PAPLN: variants seen among roughly 807,000 people sequenced by gnomAD.
PAPLN encodes papilin, proteoglycan like sulfated glycoprotein.
A neutral mutation model predicts 159.0 loss-of-function variants in PAPLN; 146 were observed. The observed-to-expected ratio is 0.92, with a 90% CI of 0.80 to 1.05. The LOEUF is 1.05. Ranked by LOEUF, PAPLN falls within the 50% of genes least tolerant of loss-of-function variation. PAPLN has a pLI of 0.00. For synonymous variants in PAPLN, 734 were observed against 702.9 expected, an observed-to-expected ratio of 1.04 and a Z score of -0.70; for missense variants, 1,720 against 1,743.9, an observed-to-expected ratio of 0.99 and a Z score of 0.24.
In PAPLN at chr14:73,272,944, C is replaced by T; in HGVS notation, c.*280C>T. 3.4e-6 allele frequency: 1 copy of T among 296,686 alleles called. No homozygotes were observed. The highest frequency in any genetic ancestry group is 6.2e-6 in the Non-Finnish European group (1 of 162,116). 18.4% of individuals were successfully genotyped at this position (296,686 alleles called of 1,614,324 possible). On this transcript the variant is annotated 3_prime_UTR_variant, in exon 27 of 27. Coordinates refer to ENST00000644200, the MANE Select transcript of PAPLN (RefSeq NM_001365906.3). ...AAGAAAAACCTTTACTTTACAGCTT[C>T]CCTTTATAATTTGTTACACAGGAAT...
intron 2 of PAPLN, among the ~76,000 whole-genome samples, chr14:73,242,470 C>T (rs1386483269): frequency 6.6e-6 from 1 of 152,208 alleles, no homozygotes; most frequent in East Asian, 1.9e-4. Context: ...AGGCCCAACC[C>T]AGCAGCTAAG....
Position 73,268,678 on chromosome 14 carries a change from A to G in PAPLN, c.3622A>G (p.Ser1208Gly), listed in dbSNP as rs749587174. 3.1e-6 allele frequency: 5 copies of G among 1,613,586 alleles called. No individual in the cohort carries two copies. The highest frequency in any genetic ancestry group is 4.2e-6 in the Non-Finnish European group (5 of 1,179,800). ...CTACACGTGCAGTGCCTACCAGGGG[A>G]GCCAGGCAGTCAGCCGCAGCACCGA... ...GSYTCSAYQG[S>G]QAVSRSTEVK... The change falls in exon 26 of 27, where the codon AGC (serine) becomes GGC (glycine). Residue 1208 changes from serine to glycine, a missense_variant. By Grantham distance (56) the Ser-to-Gly change is moderately conservative. Transcript: ENST00000644200.
Position 73,266,745 on chromosome 14 carries a change from G to A in PAPLN, c.3414G>A (p.Leu1138=). The change falls in exon 25 of 27, where the codon CTG becomes CTA. Residue 1138 remains leucine, a synonymous_variant. Transcript: ENST00000644200. ...CAGGGGAGCTGACAATCTCAGGACTGCCCCCTACTGTGACAGTGCCAGAGG... is the reference window on the plus strand; with the variant it reads ...CAGGGGAGCTGACAATCTCAGGACTACCCCCTACTGTGACAGTGCCAGAGG... ...RVLGELTISG[L]PPTVTVPEGD... is the part of the protein sequence containing the mutation. The A allele has an allele frequency of 2.5e-6, 4 of 1,613,954 alleles. No homozygotes were observed. Among genetic ancestry groups the A allele is most frequent in the Non-Finnish European group, 3.4e-6 (4 of 1,179,914 alleles).
Position 73,265,521 on chromosome 14 carries a change from C to G in PAPLN, c.3263+14C>G. The G allele has an allele frequency of 6.2e-7, 1 of 1,612,152 alleles. No homozygotes were observed. Among genetic ancestry groups the G allele is most frequent in the South Asian group, 1.1e-5 (1 of 90,872 alleles). On this transcript the variant is annotated intron_variant, in intron 23 of 26. Transcript: ENST00000644200. The surrounding 1 kb of genome is among the most constrained non-coding windows in gnomAD (Gnocchi z 4.1). Reference sequence around the variant, plus strand: ...CTCTTCTCCCAGGTTTATTTGACTCCTCTCCCCTTCCTCCTATTCTGCCTC... The same window carrying G: ...CTCTTCTCCCAGGTTTATTTGACTCGTCTCCCCTTCCTCCTATTCTGCCTC...
At position 73,251,705 on chromosome 14, in the gene PAPLN, T is replaced by C. The variant is rs1406861200; in HGVS notation, c.712T>C (p.Trp238Arg). 1 of 1,613,272 alleles carries C rather than the reference T, an allele frequency of 6.2e-7. No homozygotes were observed. The highest frequency in any genetic ancestry group is 1.3e-5 in the African/African-American group (1 of 74,896). The change falls in exon 9 of 27, where the codon TGG becomes CGG. Residue 238 changes from tryptophan to arginine, a missense_variant. Coordinates refer to ENST00000644200, the MANE Select transcript of PAPLN (RefSeq NM_001365906.3). The stretch of plus-strand genomic sequence containing the variant: ...TGGGGAATACTACCTCAATGGGCAC[T>C]GGACCATCGAGGCGGCCCGGGCCCT... Reference protein sequence around the residue: ...VRGEYYLNGHWTIEAARALPA... With the variant: ...VRGEYYLNGHRTIEAARALPA...
At chr14:73,252,377 G>A (rs8017581) in intron 10 of PAPLN, among the ~76,000 whole-genome samples, 10,812 of 150,502 alleles carry the variant, frequency 0.072, 1,061 homozygotes, top group African/African-American at 0.23. Flanking sequence ...CAGAGTCAGC[G>A]GCATCTCATA....
Position 73,259,327 on chromosome 14 carries a change from G to T in PAPLN, c.1767G>T (p.Arg589Ser). The T allele has an allele frequency of 6.2e-7, 1 of 1,608,154 alleles. No individual in the cohort carries two copies. The highest frequency in any genetic ancestry group is 8.5e-7 in the Non-Finnish European group (1 of 1,176,540). ...ACCCCTCAGCCAGGGGTGACCACAGGGGAGAACGAGGTGACCCCAGGGGCG... is the reference window on the plus strand; with the variant it reads ...ACCCCTCAGCCAGGGGTGACCACAGTGGAGAACGAGGTGACCCCAGGGGCG... ...QEHPSARGDH[R>S]GERGDPRGDQ... Residue 589 changes from arginine to serine, a missense_variant, in exon 16 of 27, where the codon AGG becomes AGT. By Grantham distance (110) the Arg-to-Ser change is moderately radical. Transcript: ENST00000644200.
Position 73,251,697 on chromosome 14 carries a change from A to G in PAPLN, c.704A>G (p.Asn235Ser), listed in dbSNP as rs1454679379. 8 of 1,613,072 alleles carry G rather than the reference A, an allele frequency of 5.0e-6. No homozygotes were observed. Among genetic ancestry groups the G allele is most frequent in the Non-Finnish European group, 5.1e-6 (6 of 1,179,850 alleles). The change falls in exon 9 of 27, where the codon AAT becomes AGT. Residue 235 changes from asparagine to serine, a missense_variant. Transcript: ENST00000644200. Reference sequence around the variant, plus strand: ...AATGTTCGTGGGGAATACTACCTCAATGGGCACTGGACCATCGAGGCGGCC... The same window carrying G: ...AATGTTCGTGGGGAATACTACCTCAGTGGGCACTGGACCATCGAGGCGGCC... ...VKNVRGEYYL[N>S]GHWTIEAARA...
intron 26 of PAPLN, among the ~76,000 whole-genome samples, chr14:73,270,817 C>T (rs1026582549): frequency 1.3e-5 from 2 of 152,148 alleles, no homozygotes; most frequent in Non-Finnish European, 2.9e-5. Flanking sequence ...CACTCTCCTC[C>T]GGTCCTCTGC....
At chr14:73,254,745 G>A in intron 13 of PAPLN, 50 bp downstream of exon 13, 1 of 1,598,568 alleles carries the variant, frequency 6.3e-7, no homozygotes, top group Non-Finnish European at 8.5e-7. Context: ...GTCTCTGGCA[G>A]GTGGCTGCAC....
Position 73,250,114 on chromosome 14 carries a change from G to T in PAPLN, c.465G>T (p.Arg155=). The part of the protein sequence containing the change: ...KRDVCVDGSC[R]VVGCDHELDS... ...ATGTCTGTGTGGATGGCAGCTGCCGGGTGAGTGGTGCCCCAGCCCCTCCCT... is the reference window on the plus strand; with the variant it reads ...ATGTCTGTGTGGATGGCAGCTGCCGTGTGAGTGGTGCCCCAGCCCCTCCCT... The change falls in exon 6 of 27, where the codon CGG becomes CGT. Residue 155 remains arginine, a splice_region_variant and synonymous_variant. Transcript: ENST00000644200. 6.2e-7 allele frequency: 1 copy of T among 1,605,316 alleles called. No individual in the cohort carries two copies.
At position 73,265,119 on chromosome 14, in the gene PAPLN, G is replaced by C. The variant is rs928356679; in HGVS notation, c.3126-251G>C. Among the ~76,000 whole-genome samples, 2 of 152,168 alleles carry C rather than the reference G, an allele frequency of 1.3e-5. No homozygotes were observed. Among genetic ancestry groups the C allele is most frequent in the Non-Finnish European group, 2.9e-5 (2 of 68,036 alleles). Reference sequence around the variant, plus strand: ...TGCAGGGTGGGGGGTGACAGATGGGGATCCTGGCTGGTGGGTGTGTCTGGC... The same window carrying C: ...TGCAGGGTGGGGGGTGACAGATGGGCATCCTGGCTGGTGGGTGTGTCTGGC... On this transcript the variant is annotated intron_variant, in intron 22 of 26. Transcript: ENST00000644200. The surrounding 1 kb of genome is among the most constrained non-coding windows in gnomAD (Gnocchi z 4.1).
Position 73,253,890 on chromosome 14 carries a change from G to A in PAPLN, c.1231G>A (p.Gly411Arg). ...GGAGGCTGAGTGTGCCGGGCTGCCT[G>A]GGAAGCCCCCTGCCATTCAGGCCTG... is the stretch of plus-strand genomic sequence containing the variant. ...VEEAECAGLP[G>R]KPPAIQACNL... The change falls in exon 12 of 27, where the codon GGG (glycine) becomes AGG (arginine). Residue 411 changes from glycine (G) to arginine (R), a missense_variant. By Grantham distance (125) the Gly-to-Arg change is moderately radical. Coordinates refer to ENST00000644200, the MANE Select transcript of PAPLN (RefSeq NM_001365906.3). 1 of 1,613,340 alleles carries A rather than the reference G, an allele frequency of 6.2e-7. No homozygotes were observed. Among genetic ancestry groups the A allele is most frequent in the South Asian group, 1.1e-5 (1 of 91,076 alleles).
chr14:73,260,793 CG>C lies in PAPLN; in HGVS notation c.2075del (p.Gly692AlafsTer110), dbSNP rs1566698013. ...CAAAGTCGTATGGTGGTGACAGCAC[CG>C]GGGGCATGCCCAGGTCAAGGGCAGT... Reference protein sequence around the residue: ...CTKSYGGDSTGGMPRSRAVAS... With the variant: ...CTKSYGGDSTXGMPRSRAVAS... On this transcript the variant is annotated frameshift_variant, in exon 17 of 27. Coordinates refer to ENST00000644200, the MANE Select transcript of PAPLN (RefSeq NM_001365906.3). LOFTEE classifies it high-confidence loss of function. 5 of 1,493,688 alleles carry C rather than the reference CG, an allele frequency of 3.3e-6. No individual in the cohort carries two copies. The highest frequency in any genetic ancestry group is 1.8e-6 in the Non-Finnish European group (2 of 1,124,130). 92.5% of individuals were successfully genotyped at this position (1,493,688 alleles called of 1,614,324 possible).
chr14:73,259,074 C>A lies in PAPLN; in HGVS notation c.1708+15C>A. 1.2e-6 allele frequency: 2 copies of A among 1,603,232 alleles called. No homozygotes were observed. Among genetic ancestry groups the A allele is most frequent in the Non-Finnish European group, 1.7e-6 (2 of 1,174,790 alleles). On this transcript the variant is annotated intron_variant, in intron 15 of 26. Transcript: ENST00000644200. ...CCCTGCCTCAGGTGAGAGCCTGGTC[C>A]CGTCCCCCACTCAGAGCCCTGTAGT... is the stretch of plus-strand genomic sequence containing the variant.
At chr14:73,261,982 C>T (rs922184308) in intron 18 of PAPLN, 2 of 229,832 alleles carry the variant, frequency 8.7e-6, no homozygotes, top group Non-Finnish European at 1.7e-5. Flanking sequence ...GTCTGTGTCC[C>T]TATCACAAGC....
intron 6 of PAPLN, 101 bp downstream of exon 6, chr14:73,250,215 C>T: frequency 2.9e-6 from 4 of 1,399,820 alleles, no homozygotes; most frequent in South Asian, 1.6e-5. Flanking sequence ...CTGCCATGAG[C>T]TTGGTGTCTT....
chr14:73,265,535 C>A lies in PAPLN; in HGVS notation c.3263+28C>A. ...TTATTTGACTCCTCTCCCCTTCCTC[C>A]TATTCTGCCTCCAGCCCCACCTTAT... is the stretch of plus-strand genomic sequence containing the variant. On this transcript the variant is annotated intron_variant, in intron 23 of 26. Coordinates refer to ENST00000644200, the MANE Select transcript of PAPLN (RefSeq NM_001365906.3). The surrounding 1 kb of genome is among the most constrained non-coding windows in gnomAD (Gnocchi z 4.1). The A allele has an allele frequency of 1.2e-6, 2 of 1,608,198 alleles. No individual in the cohort carries two copies. Among genetic ancestry groups the A allele is most frequent in the Non-Finnish European group, 1.7e-6 (2 of 1,176,828 alleles).
At chr14:73,270,181 CGTCTCGCTCCGCCCACT>C (rs1224952081) in intron 26 of PAPLN, among the ~76,000 whole-genome samples, 1 of 152,226 alleles carries the variant, frequency 6.6e-6, no homozygotes, top group Admixed American at 6.5e-5. Flanking sequence ...CTCGGCCCAC[CGTCTCGCTCCGCCCACT>C]TGGCCGGGCA....
Sources: gnomAD v4.1 joint callset for allele counts (sites outside exome capture counted in the v4.1 genomes callset) on GRCh38, gnomAD v4.1.1 for gene constraint, Gnocchi (gnomAD v3.1) non-coding constraint, MANE v1.5 for transcripts, NCBI Gene and HGNC (gene_info 2026-07-23, HGNC 2026-07-21) for gene names.